The following FKBP14 variants were observed in gnomAD, a reference collection of about 807,000 sequenced individuals.
The protein encoded by FKBP14 is FKBP prolyl isomerase 14, also known as peptidyl-prolyl cis-trans isomerase FKBP14.
Under a neutral mutation model 21.6 loss-of-function variants are expected in FKBP14, and 20 were observed. That is an observed-to-expected ratio of 0.92 (90% CI 0.65 to 1.34). The LOEUF is 1.34. Among genes scored for constraint, FKBP14 ranks in the 40% most tolerant of loss-of-function variants. The pLI is 0.00. For synonymous variants in FKBP14, 79 were observed against 86.7 expected, an observed-to-expected ratio of 0.91 and a Z score of 0.49; for missense variants, 253 against 249.0, an observed-to-expected ratio of 1.02 and a Z score of -0.11.
At chr7:30,023,703 G>A (rs781342898) in intron 1 of FKBP14, among the ~76,000 whole-genome samples, 18 of 152,190 alleles carry the variant, frequency 1.2e-4, no homozygotes, top group African/African-American at 2.7e-4. Flanking sequence ...CAATCATGGC[G>A]GAAGGCAAAG....
chr7:30,022,952 TACAC>T, intron 1 of FKBP14, 136 bp from the exon 2 acceptor site: 2 of 673,008 alleles, frequency 3.0e-6, no homozygotes, highest in Non-Finnish European at 4.8e-6. Flanking sequence ...TTTGCACACA[TACAC>T]ACACACCTCC....
In FKBP14 at chr7:30,026,549, A is replaced by T; in HGVS notation, c.-41T>A. 1.3e-6 allele frequency: 2 copies of T among 1,566,222 alleles called. No individual in the cohort carries two copies. The highest frequency in any genetic ancestry group is 1.7e-6 in the Non-Finnish European group (2 of 1,154,938). The stretch of plus-strand genomic sequence containing the variant: ...AAAGAAGTCCCTACAAAAGCAGCGA[A>T]AGGTCCCTCGACTTCATAGATTTAA... On this transcript the variant is annotated 5_prime_UTR_variant, in exon 1 of 4. Transcript: ENST00000222803.
chr7:30,019,198 C>T, intron 2 of FKBP14, 75 bp from the exon 3 acceptor site: 4 of 1,444,100 alleles, frequency 2.8e-6, no homozygotes, highest in Non-Finnish European at 2.8e-6. Flanking sequence ...TGGTAATGGA[C>T]AAAGTATTTT....
intron 2 of FKBP14, 143 bp downstream of exon 2, chr7:30,022,522 G>T: frequency 1.4e-6 from 1 of 738,488 alleles, no homozygotes; most frequent in Non-Finnish European, 2.1e-6. Flanking sequence ...TGATACTCAA[G>T]ACATAATACA....
Position 30,026,496 on chromosome 7 carries a change from A to T in FKBP14, c.13T>A (p.Leu5Met). MRLF[L>M]WNAVLTLFVT... ...AACAGAGTCAAGACCGCGTTCCACA[A>T]GAAAAGCCTCATGTTGCTGAAGCAA... Residue 5 changes from leucine (L) to methionine (M), a missense_variant, in exon 1 of 4, where the codon TTG (leucine) becomes ATG (methionine). Physicochemically the swap from Leu to Met is conservative, Grantham distance 15 (BLOSUM62 2). Coordinates refer to ENST00000222803, the MANE Select transcript of FKBP14 (RefSeq NM_017946.4). 2 of 1,611,298 alleles carry T rather than the reference A, an allele frequency of 1.2e-6. No individual in the cohort carries two copies. The highest frequency in any genetic ancestry group is 1.7e-6 in the Non-Finnish European group (2 of 1,178,852).
rs921498878 is a variant in FKBP14 at position 30,013,940 on chromosome 7, C to A, written c.*795G>T. On this transcript the variant is annotated 3_prime_UTR_variant, in exon 4 of 4. Transcript: ENST00000222803. ...CAGGCTGGAGGTGATCTCGGCTTAC[C>A]GCAACCTCCGCCTCCGGGTTCAAGT... is the stretch of plus-strand genomic sequence containing the variant. 4.6e-5 allele frequency: 7 copies of A among 151,884 alleles called. No homozygotes were observed. The highest frequency in any genetic ancestry group is 4.6e-4 in the Admixed American group (7 of 15,230). The allele number at this position is 151,884 out of a possible 1,614,324, so 9.4% of individuals were successfully genotyped here.
chr7:30,018,616 A>G lies in FKBP14; in HGVS notation c.477+380T>C, dbSNP rs112950907. Among the ~76,000 whole-genome samples, 9 of 152,378 alleles carry G rather than the reference A, an allele frequency of 5.9e-5. No individual in the cohort carries two copies. The East Asian group carries it at 1.5e-3, about 26-fold the overall frequency. On this transcript the variant is annotated intron_variant, in intron 3 of 3. Coordinates refer to ENST00000222803, the MANE Select transcript of FKBP14 (RefSeq NM_017946.4). ...TACAGTTTTAACAGAAACTGTCCAC[A>G]TGAGATATTTCTCAGGACAGCTAGC...
intron 2 of FKBP14, among the ~76,000 whole-genome samples, chr7:30,019,693 T>C (rs1372814733): frequency 1.3e-5 from 2 of 152,092 alleles, no homozygotes; most frequent in African/African-American, 4.8e-5. Flanking sequence ...ATGCAGATAA[T>C]AAATTTCCTC....
rs1790072812 is a variant in FKBP14, at chr7:30,022,833, A to T, written c.198-17T>A. 1 of 1,601,570 alleles carries T rather than the reference A, an allele frequency of 6.2e-7. No homozygotes were observed. The highest frequency in any genetic ancestry group is 1.8e-5 in the Admixed American group (1 of 56,478). ...TGTTTGTGACTATGATAGAAATAAA[A>T]CACATTAGAACTCCTTATTAACTCT... is the stretch of plus-strand genomic sequence containing the variant. On this transcript the variant is annotated splice_polypyrimidine_tract_variant and intron_variant, in intron 1 of 3. Transcript: ENST00000222803.
At chr7:30,020,390 C>A in intron 2 of FKBP14, 1 of 603,364 alleles carries the variant, frequency 1.7e-6, no homozygotes, top group Non-Finnish European at 2.6e-6. Context: ...TAGATCTCTA[C>A]TTATTGTGAA....
intron 3 of FKBP14, among the ~76,000 whole-genome samples, chr7:30,015,880 C>G (rs912369226): frequency 2.0e-5 from 3 of 152,038 alleles, no homozygotes; most frequent in African/African-American, 7.2e-5. Context: ...CCGCCTCGGC[C>G]TCCCAAAGTG....
Position 30,012,017 on chromosome 7 carries a change from T to C in FKBP14, c.*2718A>G, listed in dbSNP as rs748817983. 9 of 152,236 alleles carry C rather than the reference T, an allele frequency of 5.9e-5. No individual in the cohort carries two copies. The highest frequency in any genetic ancestry group is 1.2e-4 in the Non-Finnish European group (8 of 68,044). 9.4% of individuals were successfully genotyped at this position (152,236 alleles called of 1,614,324 possible). On this transcript the variant is annotated 3_prime_UTR_variant, in exon 4 of 4. Transcript: ENST00000222803. ...GCCTAGGAGCAATAGGCTATATACA[T>C]GTCCTACATGTGTAGCAGGCTACAC...
chr7:30,020,321 A>G, intron 2 of FKBP14: 1 of 1,253,684 alleles, frequency 8.0e-7, no homozygotes, highest in Non-Finnish European at 1.1e-6. Flanking sequence ...AATTAGTGTT[A>G]AATACAGATT....
chr7:30,006,153 C>T (rs1449007602), downstream of FKBP14, among the ~76,000 whole-genome samples: 1 of 144,762 alleles, frequency 6.9e-6, no homozygotes, highest in Non-Finnish European at 1.5e-5. Context: ...TAGGGGTCTC[C>T]CTCTGTTACC....
downstream of FKBP14, among the ~76,000 whole-genome samples, chr7:30,007,228 TTAGAC>T (rs1191786648): frequency 2.0e-5 from 3 of 151,084 alleles, no homozygotes; most frequent in Non-Finnish European, 4.4e-5. Flanking sequence ...TTTTTTTTTT[TTAGAC>T]AGAGTCTCGC....
downstream of FKBP14, among the ~76,000 whole-genome samples, chr7:30,007,864 C>T (rs952916600): frequency 3.3e-5 from 5 of 152,048 alleles, no homozygotes; most frequent in Non-Finnish European, 5.9e-5. Context: ...GTCTGGCCAA[C>T]ATGGTGAAAC....
chr7:30,009,197 T>A (rs76925610), downstream of FKBP14, among the ~76,000 whole-genome samples: 1,060 of 152,222 alleles, frequency 7.0e-3, 5 homozygotes, highest in Middle Eastern at 0.034. Context: ...ATTTACTTTT[T>A]TAGTTTTTTG....
rs936602145 is a variant in FKBP14, at chr7:30,011,045, T to C, written c.*3690A>G. On this transcript the variant is annotated 3_prime_UTR_variant, in exon 4 of 4. Transcript: ENST00000222803. The stretch of plus-strand genomic sequence containing the variant: ...TATTATTTCTATAAAAATTATAGAA[T>C]TTTTTTTTTTGAGACAGAGTCTTGC... The C allele has an allele frequency of 6.0e-5, 9 of 148,838 alleles. No homozygotes were observed. In the East Asian group the frequency reaches 1.8e-3, roughly 29 times the overall value. 9.2% of individuals were successfully genotyped at this position (148,838 alleles called of 1,614,324 possible).
chr7:30,024,786 T>G (rs79446779), intron 1 of FKBP14, among the ~76,000 whole-genome samples: 1 of 152,352 alleles, frequency 6.6e-6, no homozygotes, highest in East Asian at 1.9e-4. Flanking sequence ...TCATCAGGTA[T>G]TAGAACTTAG....
Sources: gnomAD v4.1 joint callset for allele counts (sites outside exome capture counted in the v4.1 genomes callset) on GRCh38, gnomAD v4.1.1 for gene constraint, MANE v1.5 for transcripts, NCBI Gene and HGNC (gene_info 2026-07-23, HGNC 2026-07-21) for gene names.